Variants in NRG3 observed in about 807,000 individuals in gnomAD.
NRG3 encodes the protein pro-neuregulin-3, membrane-bound isoform.
A neutral mutation model predicts 66.9 loss-of-function variants in NRG3; 31 were observed. The observed-to-expected ratio is 0.46, with a 90% CI of 0.35 to 0.63. The LOEUF (loss-of-function observed/expected upper bound fraction) is 0.63. Ranked by LOEUF, NRG3 falls within the 20% of genes least tolerant of loss-of-function variation. The pLI, the probability that NRG3 is intolerant of heterozygous loss-of-function variation, is 0.00. For synonymous variants in NRG3, 393 were observed against 359.4 expected (o/e 1.09, Z -1.06); for missense variants, 910 against 878.9 (o/e 1.04, Z -0.45).
chr10:82,672,217 T>C (rs1164874384), intron 2 of NRG3, among the ~76,000 whole-genome samples: 1 of 151,950 alleles, frequency 6.6e-6, no homozygotes, highest in Non-Finnish European at 1.5e-5. Flanking sequence ...TTTTAGGCAG[T>C]GGGGACAGAA....
chr10:82,778,972 G>T lies in NRG3; in HGVS notation c.1027+40322G>T, dbSNP rs575485147. On this transcript the variant is annotated intron_variant, in intron 3 of 8. Transcript: ENST00000372141. Reference sequence around the variant, plus strand: ...AGCTGCAGCAGTTTAACTGGGGTCTGGTACTTTTCCCTGTACGAGAATGTG... The same window carrying T: ...AGCTGCAGCAGTTTAACTGGGGTCTTGTACTTTTCCCTGTACGAGAATGTG... Among the ~76,000 whole-genome samples, 3 of 152,190 alleles carry T rather than the reference G, an allele frequency of 2.0e-5. No homozygotes were observed. The South Asian group carries it at 6.2e-4, about 32-fold the overall frequency.
At chr10:82,367,249 T>C (rs575415291) in intron 2 of NRG3, among the ~76,000 whole-genome samples, 180 of 152,308 alleles carry the variant, frequency 1.2e-3, no homozygotes, top group African/African-American at 4.1e-3. Context: ...CCATAATATA[T>C]GTGAATGTCA....
Position 82,980,844 on chromosome 10 carries a change from G to A in NRG3, c.1583+1724G>A, listed in dbSNP as rs181607402. Among the ~76,000 whole-genome samples the A allele has an allele frequency of 3.9e-4, 59 of 152,324 alleles. 2 individuals are homozygous for A. Among genetic ancestry groups the A allele is most frequent in the Admixed American group, 3.1e-3 (47 of 15,302 alleles). On this transcript the variant is annotated intron_variant, in intron 8 of 8. Coordinates refer to ENST00000372141, the MANE Select transcript of NRG3 (RefSeq NM_001010848.4). The stretch of plus-strand genomic sequence containing the variant: ...GTTTGCATTTCTCTTGGTCTTATCT[G>A]TGGAAAAGCAGGCTTGCATTTAACC...
At chr10:82,398,526 T>TGAGAGAGAGA (rs10690548) in intron 2 of NRG3, among the ~76,000 whole-genome samples, 47 of 136,584 alleles carry the variant, frequency 3.4e-4, no homozygotes, top group African/African-American at 1.2e-3. Context: ...TGTGTGTGTG[T>TGAGAGAGAGA]GAGAGAGAGA....
intron 1 of NRG3, among the ~76,000 whole-genome samples, chr10:82,208,612 T>G (rs1178751824): frequency 6.6e-6 from 1 of 151,130 alleles, no homozygotes; most frequent in South Asian, 2.1e-4. Flanking sequence ...AGAGTAAATA[T>G]CAGCAATAGT....
chr10:82,282,197 G>A (rs1055077379), intron 1 of NRG3, among the ~76,000 whole-genome samples: 1 of 152,090 alleles, frequency 6.6e-6, no homozygotes, highest in Non-Finnish European at 1.5e-5. Flanking sequence ...GGACACATAC[G>A]AGGCAGATAA....
chr10:82,253,500 C>T (rs975709359), intron 1 of NRG3, among the ~76,000 whole-genome samples: 19 of 152,266 alleles, frequency 1.2e-4, no homozygotes, highest in African/African-American at 4.1e-4. Context: ...TTCGAGCTCA[C>T]TCTCCCACCT....
chr10:82,372,131 G>A (rs1385261280), intron 2 of NRG3, among the ~76,000 whole-genome samples: 1 of 152,186 alleles, frequency 6.6e-6, no homozygotes, highest in East Asian at 1.9e-4. Flanking sequence ...AAAGATAAGA[G>A]CCTTTTTATT....
chr10:82,931,505 G>T (rs1200045518), intron 4 of NRG3, among the ~76,000 whole-genome samples: 1 of 152,096 alleles, frequency 6.6e-6, no homozygotes, highest in Non-Finnish European at 1.5e-5. Context: ...GTTCCTCAGA[G>T]TACCTGCCAC....
intron 3 of NRG3, among the ~76,000 whole-genome samples, chr10:82,849,435 C>A (rs1383337768): frequency 6.6e-6 from 1 of 152,162 alleles, no homozygotes; most frequent in African/African-American, 2.4e-5. Flanking sequence ...ATAACTAACA[C>A]ACAGTGAAGC....
chr10:82,224,920 T>A (rs573826342), intron 1 of NRG3, among the ~76,000 whole-genome samples: 31 of 152,150 alleles, frequency 2.0e-4, no homozygotes, highest in Admixed American at 1.9e-3. Flanking sequence ...CAAACAAGAA[T>A]AATATGAACA....
chr10:82,961,377 A>G (rs1175219636), intron 6 of NRG3, among the ~76,000 whole-genome samples: 2 of 152,222 alleles, frequency 1.3e-5, no homozygotes, highest in African/African-American at 4.8e-5. Context: ...AGTTTTTGTT[A>G]AAGAAACAAA....
chr10:82,864,915 T>C (rs1386406159), intron 3 of NRG3, among the ~76,000 whole-genome samples: 8 of 152,244 alleles, frequency 5.3e-5, no homozygotes, highest in Non-Finnish European at 2.9e-5. Context: ...GAGAAAAAAG[T>C]CCAACATCAT....
chr10:81,985,593 A>C (rs1479655336), intron 1 of NRG3, among the ~76,000 whole-genome samples: 1 of 152,250 alleles, frequency 6.6e-6, no homozygotes, highest in Non-Finnish European at 1.5e-5. Context: ...GAGAGAGATG[A>C]GAAGTTACCT....
intron 2 of NRG3, among the ~76,000 whole-genome samples, chr10:82,426,218 T>G (rs183325357): frequency 1.8e-3 from 269 of 152,254 alleles, no homozygotes; most frequent in African/African-American, 6.1e-3. Context: ...CTGAGACCCC[T>G]GGTGGGACTC....
chr10:82,361,055 C>T (rs939375826), intron 2 of NRG3, among the ~76,000 whole-genome samples: 8 of 152,154 alleles, frequency 5.3e-5, no homozygotes, highest in African/African-American at 1.7e-4. Flanking sequence ...CTGGAGTTTA[C>T]TTCATGTAGG....
chr10:82,098,507 A>G (rs78436322), intron 1 of NRG3, among the ~76,000 whole-genome samples: 3,523 of 152,162 alleles, frequency 0.023, 71 homozygotes, highest in Admixed American at 0.053. Flanking sequence ...TTCTCCACAT[A>G]CAATCTGTGT....
chr10:82,784,541 A>G (rs1209595166), intron 3 of NRG3, among the ~76,000 whole-genome samples: 206 of 151,944 alleles, frequency 1.4e-3, no homozygotes, highest in African/African-American at 4.7e-3. Flanking sequence ...AAAAGTGGGC[A>G]AAGGATATGA....
At chr10:81,898,812 G>A (rs1424626361) in intron 1 of NRG3, among the ~76,000 whole-genome samples, 2 of 151,798 alleles carry the variant, frequency 1.3e-5, no homozygotes, top group African/African-American at 4.8e-5. Context: ...CAGAGCATGA[G>A]AAAACATATA....
Sources: allele counts gnomAD v4.1 joint callset (sites outside exome capture counted in the v4.1 genomes callset), GRCh38; gene constraint gnomAD v4.1.1; transcripts MANE v1.5; gene names NCBI Gene and HGNC (gene_info 2026-07-23, HGNC 2026-07-21).